Variants in MBD5 observed in about 807,000 individuals in gnomAD.
The protein encoded by MBD5 is methyl-CpG binding domain protein 5, also known as methyl-CpG-binding domain protein 5.
A neutral mutation model predicts 117.3 loss-of-function variants in MBD5; 13 were observed. That is an observed-to-expected ratio of 0.11 (90% CI 0.07 to 0.18). MBD5 has a LOEUF of 0.18. Among genes scored for constraint, MBD5 ranks in the 10% least tolerant of loss-of-function variants. MBD5 has a pLI of 1.00. For synonymous variants in MBD5, 727 were observed against 766.4 expected (o/e 0.95, Z 0.85); for missense variants, 1,879 against 2,093.8 (o/e 0.90, Z 2.00).
intron 1 of MBD5, among the ~76,000 whole-genome samples, chr2:148,087,364 A>G (rs769889589): frequency 1.3e-5 from 2 of 152,228 alleles, no homozygotes; most frequent in Non-Finnish European, 2.9e-5. Flanking sequence ...CTGGCTAACC[A>G]GTGATCCTGA....
At chr2:148,493,474 AATAAAG>A (rs1681593145) in intron 11 of MBD5, among the ~76,000 whole-genome samples, 1 of 152,238 alleles carries the variant, frequency 6.6e-6, no homozygotes, top group South Asian at 2.1e-4. Context: ...CAAAATAGAA[AATAAAG>A]ATAATTAATT....
intron 3 of MBD5, among the ~76,000 whole-genome samples, chr2:148,254,196 G>A (rs532356857): frequency 5.3e-4 from 80 of 152,298 alleles, no homozygotes; most frequent in African/African-American, 1.6e-3. Flanking sequence ...GCTCTTGACT[G>A]CCTTAATCTC....
intron 3 of MBD5, among the ~76,000 whole-genome samples, chr2:148,261,156 A>AT (rs1700721898): frequency 1.3e-5 from 2 of 152,144 alleles, no homozygotes; most frequent in African/African-American, 4.8e-5. Context: ...GGGCCCTAGG[A>AT]TTTTTGGAAT....
chr2:148,228,670 T>C (rs1699902729), intron 2 of MBD5, among the ~76,000 whole-genome samples: 1 of 152,224 alleles, frequency 6.6e-6, no homozygotes, highest in African/African-American at 2.4e-5. Context: ...ATTGGAATAG[T>C]TTCAGAAGAA....
At chr2:148,127,329 T>C (rs1267921535) in intron 1 of MBD5, among the ~76,000 whole-genome samples, 1 of 152,066 alleles carries the variant, frequency 6.6e-6, no homozygotes, top group Non-Finnish European at 1.5e-5. Context: ...GGACAGATGA[T>C]CCCATCACCC....
In MBD5 at chr2:148,469,276, A is replaced by G; in HGVS notation, c.1333A>G (p.Met445Val). 6.2e-7 allele frequency: 1 copy of G among 1,613,890 alleles called. No homozygotes were observed. The highest frequency in any genetic ancestry group is 8.5e-7 in the Non-Finnish European group (1 of 1,179,914). ...SPSPVTSPVH[M>V]MGTGIGRIEA... ...TTCTCCAGTGACATCCCCCGTGCAC[A>G]TGATGGGGACTGGAATTGGAAGGAT... is the stretch of plus-strand genomic sequence containing the variant. Residue 445 changes from methionine (M) to valine (V), a missense_variant, in exon 8 of 14, where the codon ATG (methionine) becomes GTG (valine). By Grantham distance (21) the Met-to-Val change is conservative. This residue lies in a region of MBD5 where 1,666 missense variants were observed against 1,792.2 expected (regional missense o/e 0.93). Coordinates refer to ENST00000642680, the MANE Select transcript of MBD5 (RefSeq NM_001378120.1).
chr2:148,447,354 G>A (rs1038586086), intron 4 of MBD5, among the ~76,000 whole-genome samples: 2 of 152,064 alleles, frequency 1.3e-5, no homozygotes, highest in South Asian at 2.1e-4. Context: ...AATTTCCTTA[G>A]GAAAGTTACC....
At chr2:148,330,213 C>T (rs116387848) in intron 3 of MBD5, among the ~76,000 whole-genome samples, 1,899 of 151,784 alleles carry the variant, frequency 0.013, 38 homozygotes, top group African/African-American at 0.043. Context: ...TCTGGATTAG[C>T]GGCATTTTTA....
chr2:148,218,769 A>C (rs931807390), intron 2 of MBD5, among the ~76,000 whole-genome samples: 3 of 152,242 alleles, frequency 2.0e-5, no homozygotes, highest in Admixed American at 6.5e-5. Flanking sequence ...AGGTACAATA[A>C]AAGTAAGATA....
At chr2:148,470,521 A>T in intron 8 of MBD5, 60 bp downstream of exon 8, 4 of 1,303,560 alleles carry the variant, frequency 3.1e-6, no homozygotes, top group Non-Finnish European at 4.2e-6. Flanking sequence ...TTTTTAAAAA[A>T]TTTGTACCAA....
chr2:148,434,679 T>A (rs1397566116), intron 4 of MBD5, among the ~76,000 whole-genome samples: 1 of 152,178 alleles, frequency 6.6e-6, no homozygotes, highest in Non-Finnish European at 1.5e-5. Context: ...TCCAAATGTG[T>A]GATCCATTTT....
At chr2:148,396,627 T>C (rs896714948) in intron 4 of MBD5, among the ~76,000 whole-genome samples, 5 of 152,360 alleles carry the variant, frequency 3.3e-5, no homozygotes, top group African/African-American at 1.2e-4. Context: ...CCTTGCTCTT[T>C]GTGCAGTCAC....
chr2:148,051,442 A>G (rs1694699688), intron 1 of MBD5, among the ~76,000 whole-genome samples: 1 of 149,766 alleles, frequency 6.7e-6, no homozygotes, highest in Admixed American at 6.7e-5. Flanking sequence ...CCCTGGCTGG[A>G]ATGCTTAGTA....
chr2:148,468,927 C>G lies in MBD5; in HGVS notation c.984C>G (p.Phe328Leu), dbSNP rs761210822. The G allele has an allele frequency of 2.5e-6, 4 of 1,613,836 alleles. No individual in the cohort carries two copies. The South Asian group carries it at 4.4e-5, about 18-fold the overall frequency. The change falls in exon 8 of 14, where the codon TTC becomes TTG. Residue 328 changes from phenylalanine (F) to leucine (L), a missense_variant. Phe to Leu is a conservative substitution (Grantham distance 22). Transcript: ENST00000642680. ...STNMEIPRAM[F>L]HHKPPQGPPP... ...ATATGGAAATACCACGAGCAATGTT[C>G]CACCACAAACCACCCCAAGGCCCAC...
chr2:148,202,509 G>C (rs1172568961), intron 2 of MBD5, among the ~76,000 whole-genome samples: 1 of 152,154 alleles, frequency 6.6e-6, no homozygotes, highest in East Asian at 1.9e-4. Context: ...GGGAGAAAGA[G>C]TGGTTTGAAA....
At chr2:148,200,120 C>T (rs78745904) in intron 2 of MBD5, among the ~76,000 whole-genome samples, 1,985 of 152,178 alleles carry the variant, frequency 0.013, 57 homozygotes, top group Admixed American at 0.06. Flanking sequence ...TCAAATGTTA[C>T]TTCCTCAGTA....
At chr2:148,396,433 A>C (rs1704716498) in intron 4 of MBD5, among the ~76,000 whole-genome samples, 1 of 151,780 alleles carries the variant, frequency 6.6e-6, no homozygotes, top group Non-Finnish European at 1.5e-5. Flanking sequence ...CTTGATTTCC[A>C]TGAATCTACA....
At chr2:148,312,231 T>C (rs1439633573) in intron 3 of MBD5, among the ~76,000 whole-genome samples, 1 of 152,236 alleles carries the variant, frequency 6.6e-6, no homozygotes, top group African/African-American at 2.4e-5. Context: ...CTGGATAATA[T>C]CCTGAGGAGT....
intron 3 of MBD5, among the ~76,000 whole-genome samples, chr2:148,307,409 C>T: frequency 6.6e-6 from 1 of 151,798 alleles, no homozygotes; most frequent in South Asian, 2.1e-4. Context: ...CAAACTTTTA[C>T]AACCATTTTA....
Sources: allele counts gnomAD v4.1 joint callset (sites outside exome capture counted in the v4.1 genomes callset), GRCh38; gene constraint gnomAD v4.1.1; regional missense constraint gnomAD v4.1.1; transcripts MANE v1.5; gene names NCBI Gene and HGNC (gene_info 2026-07-23, HGNC 2026-07-21).